Variants in ADAMTS12 observed in about 807,000 individuals in gnomAD.
ADAMTS12 encodes A disintegrin and metalloproteinase with thrombospondin motifs 12.
In ADAMTS12, 118 loss-of-function variants were observed where a neutral mutation model predicts 167.8. That is an observed-to-expected ratio of 0.70 (90% confidence interval 0.61 to 0.82). The LOEUF is 0.82. Among genes scored for constraint, ADAMTS12 ranks in the 40% least tolerant of loss-of-function variants. ADAMTS12 has a pLI of 0.00. For missense variants in ADAMTS12, 1,916 were observed against 1,998.8 expected, an observed-to-expected ratio of 0.96 and a Z score of 0.79; for synonymous variants, 704 against 716.9, an observed-to-expected ratio of 0.98 and a Z score of 0.29.
intron 5 of ADAMTS12, among the ~76,000 whole-genome samples, chr5:33,671,233 G>T (rs4352600): frequency 0.95 from 145,027 of 152,192 alleles, 69,488 homozygotes; most frequent in Non-Finnish European, 1. Flanking sequence ...CTGTTCTAAT[G>T]TTAATTGTGG....
rs573233118 is a variant in ADAMTS12 at position 33,677,704 on chromosome 5, G to C, written c.915+5314C>G. Among the ~76,000 whole-genome samples the C allele has an allele frequency of 3.0e-4, 45 of 152,322 alleles. No homozygotes were observed. In the South Asian group the frequency reaches 8.7e-3, roughly 29 times the overall value. On this transcript the variant is annotated intron_variant, in intron 5 of 23. Transcript: ENST00000504830. ...AGGGACATGACAGGAGTGAGAGCAA[G>C]CTGGCTCCCATCTGAACTCACTGTC...
At chr5:33,891,551 A>G in intron 1 of ADAMTS12, 179 bp downstream of exon 1, 1 of 809,308 alleles carries the variant, frequency 1.2e-6, no homozygotes, top group Non-Finnish European at 1.9e-6. Flanking sequence ...CATCACCTTA[A>G]GCACTGAATT....
At chr5:33,879,064 G>T (rs1750331798) in intron 2 of ADAMTS12, among the ~76,000 whole-genome samples, 1 of 152,178 alleles carries the variant, frequency 6.6e-6, no homozygotes. Flanking sequence ...AGGTTTCTTT[G>T]TGGGCTAATG....
chr5:33,727,114 C>G (rs1014429451), intron 3 of ADAMTS12, among the ~76,000 whole-genome samples: 3 of 152,208 alleles, frequency 2.0e-5, no homozygotes, highest in South Asian at 2.1e-4. Context: ...TGCCACCTGC[C>G]CTATGCTGCT....
chr5:33,664,763 A>G (rs1741408297), intron 5 of ADAMTS12, among the ~76,000 whole-genome samples: 1 of 152,164 alleles, frequency 6.6e-6, no homozygotes, highest in African/African-American at 2.4e-5. Flanking sequence ...TTAAAAAAAG[A>G]ACTACCATAT....
rs144329304 is a variant in ADAMTS12 at position 33,748,222 on chromosome 5, G to A, written c.634+3182C>T. Among the ~76,000 whole-genome samples the A allele has an allele frequency of 4.7e-3, 718 of 152,270 alleles. 5 individuals are homozygous for A. Among genetic ancestry groups the A allele is most frequent in the African/African-American group, 0.016 (681 of 41,558 alleles). On this transcript the variant is annotated intron_variant, in intron 3 of 23. Transcript: ENST00000504830. ...ACCACTCAAATCCCAGTGTGATCAT[G>A]TTCTCACCAAAAAGCCTTAGAGAAA... is the stretch of plus-strand genomic sequence containing the variant.
At chr5:33,637,810 C>A in intron 11 of ADAMTS12, 64 bp from the exon 12 acceptor site, 1 of 1,549,550 alleles carries the variant, frequency 6.5e-7, no homozygotes, top group Middle Eastern at 1.9e-4. Context: ...TCCTTTAAAA[C>A]TCCTCTGGTA....
Position 33,616,174 on chromosome 5 carries a change from A to G in ADAMTS12, c.2144-102T>C, listed in dbSNP as rs1326480384. On this transcript the variant is annotated intron_variant, in intron 14 of 23. Transcript: ENST00000504830. ...TAATCCTCTTTCCAGCCTCCCCATC[A>G]TTTAGTGACCTTGCTGGGTGGCCAC... The G allele has an allele frequency of 2.0e-6, 3 of 1,481,240 alleles. No homozygotes were observed. The Admixed American group carries it at 6.4e-5, about 32-fold the overall frequency. The allele number at this position is 1,481,240 out of a possible 1,614,324, so 91.8% of individuals were successfully genotyped here. A position where few individuals can be genotyped will look rare whatever the true frequency, so the allele number is the denominator to read the frequency against.
intron 6 of ADAMTS12, among the ~76,000 whole-genome samples, chr5:33,660,891 G>C (rs953145815): frequency 2.6e-5 from 4 of 152,180 alleles, no homozygotes; most frequent in African/African-American, 9.7e-5. Context: ...CTGATGACTG[G>C]AGTTTTGGAT....
chr5:33,763,834 T>C (rs1159956907), intron 2 of ADAMTS12, among the ~76,000 whole-genome samples: 1 of 152,220 alleles, frequency 6.6e-6, no homozygotes, highest in South Asian at 2.1e-4. Context: ...ACTACTGATA[T>C]GGAATGGAGA....
chr5:33,582,142 A>T (rs980294732), intron 18 of ADAMTS12, among the ~76,000 whole-genome samples: 5 of 152,210 alleles, frequency 3.3e-5, no homozygotes, highest in Admixed American at 6.5e-5. Context: ...ATAAAAAAAA[A>T]TCAGACCTAG....
intron 2 of ADAMTS12, among the ~76,000 whole-genome samples, chr5:33,760,892 T>C: frequency 6.9e-6 from 1 of 144,006 alleles, no homozygotes. Flanking sequence ...TGTGTGTGTG[T>C]GTGTGTGTGT....
chr5:33,579,671 C>G (rs907392015), intron 18 of ADAMTS12, among the ~76,000 whole-genome samples: 3 of 152,182 alleles, frequency 2.0e-5, no homozygotes, highest in Non-Finnish European at 2.9e-5. Flanking sequence ...ATATTAACTC[C>G]TTGTGTGATT....
intron 19 of ADAMTS12, among the ~76,000 whole-genome samples, chr5:33,574,727 C>T (rs1746592877): frequency 6.6e-6 from 1 of 151,844 alleles, no homozygotes; most frequent in Admixed American, 6.6e-5. Context: ...TGCACATGTA[C>T]CCTAAAACTT....
At chr5:33,611,123 C>G (rs1174016676) in intron 16 of ADAMTS12, among the ~76,000 whole-genome samples, 1 of 152,058 alleles carries the variant, frequency 6.6e-6, no homozygotes, top group Non-Finnish European at 1.5e-5. Flanking sequence ...AAAAAAAAGA[C>G]AAAGCATGGT....
chr5:33,686,779 A>G (rs994008187), intron 3 of ADAMTS12, among the ~76,000 whole-genome samples: 3 of 151,190 alleles, frequency 2.0e-5, no homozygotes, highest in Admixed American at 6.6e-5. Flanking sequence ...ATATATATAT[A>G]TATTCAGTGC....
At chr5:33,636,808 T>C (rs183828822) in intron 12 of ADAMTS12, among the ~76,000 whole-genome samples, 2 of 152,318 alleles carry the variant, frequency 1.3e-5, no homozygotes, top group East Asian at 3.9e-4. Context: ...AATATGTTTT[T>C]TGATGTTGAT....
intron 2 of ADAMTS12, among the ~76,000 whole-genome samples, chr5:33,826,584 G>A (rs1248358361): frequency 9.8e-5 from 7 of 71,692 alleles, no homozygotes; most frequent in African/African-American, 3.4e-4. Flanking sequence ...GTGTGTGTGT[G>A]TGTATATATA....
At chr5:33,813,548 C>T (rs1747540452) in intron 2 of ADAMTS12, among the ~76,000 whole-genome samples, 2 of 152,190 alleles carry the variant, frequency 1.3e-5, no homozygotes. Context: ...CAGTAGAATA[C>T]AGTAGAAATT....
Sources: allele counts gnomAD v4.1 joint callset (sites outside exome capture counted in the v4.1 genomes callset), GRCh38; gene constraint gnomAD v4.1.1; transcripts MANE v1.5; gene names NCBI Gene and HGNC (gene_info 2026-07-23, HGNC 2026-07-21).